SDK2: variants seen among roughly 807,000 people sequenced by gnomAD.
SDK2 encodes the protein protein sidekick-2.
In SDK2, 105 loss-of-function variants were observed where a neutral mutation model predicts 253.9. The observed-to-expected ratio is 0.41, with a 90% CI of 0.35 to 0.49. The LOEUF is 0.49. Ranked by LOEUF, SDK2 falls within the 20% of genes least tolerant of loss-of-function variation. The pLI is 0.06. For synonymous variants in SDK2, 1,249 were observed against 1,234.9 expected (o/e 1.01, Z -0.24); for missense variants, 2,608 against 3,003.0 (o/e 0.87, Z 3.07).
At chr17:73,620,694 G>C (rs1045098780) in intron 1 of SDK2, among the ~76,000 whole-genome samples, 2 of 152,178 alleles carry the variant, frequency 1.3e-5, no homozygotes, top group Admixed American at 1.3e-4. Context: ...AAGGAATGAA[G>C]TACTGCTACA....
Position 73,415,832 on chromosome 17 carries a change from T to C in SDK2, c.2347A>G (p.Thr783Ala), listed in dbSNP as rs1246399663. Residue 783 changes from threonine (T) to alanine (A), a missense_variant, in exon 17 of 45, where the codon ACC (threonine) becomes GCC (alanine). Thr to Ala is a moderately conservative substitution (Grantham distance 58). Transcript: ENST00000392650. ...AGLGVYSSKV[T>A]EWTLQGVPTV... ...CTACCTCCCTGCAGCGTCCACTCGG[T>C]GACTTTACTGCTGTAGACCCCCAGC... is the stretch of plus-strand genomic sequence containing the variant. 3.2e-6 allele frequency: 5 copies of C among 1,554,602 alleles called. No homozygotes were observed. The highest frequency in any genetic ancestry group is 1.4e-5 in the African/African-American group (1 of 73,210).
At chr17:73,446,636 C>G (rs998653117) in intron 5 of SDK2, among the ~76,000 whole-genome samples, 2 of 152,204 alleles carry the variant, frequency 1.3e-5, no homozygotes, top group Admixed American at 1.3e-4. Flanking sequence ...TCCACACCCT[C>G]ATCTTGCCGC....
At chr17:73,576,669 C>T (rs989372578) in intron 1 of SDK2, among the ~76,000 whole-genome samples, 2 of 152,180 alleles carry the variant, frequency 1.3e-5, no homozygotes, top group Admixed American at 6.5e-5. Flanking sequence ...AAAGGAACCT[C>T]GTGATCACAG....
intron 14 of SDK2, 53 bp downstream of exon 14, chr17:73,423,332 CT>C (rs2063249233): frequency 7.5e-7 from 1 of 1,336,764 alleles, no homozygotes; most frequent in African/African-American, 1.5e-5. Context: ...CCAGGGCTGA[CT>C]CCTAAGTCCA....
intron 2 of SDK2, among the ~76,000 whole-genome samples, chr17:73,498,945 G>A (rs2063864658): frequency 6.6e-6 from 1 of 152,218 alleles, no homozygotes; most frequent in South Asian, 2.1e-4. Flanking sequence ...ACCTTGGGTA[G>A]GTTGCCGAAC....
At position 73,395,641 on chromosome 17, in the gene SDK2, A is replaced by T. The variant is rs1180449576; in HGVS notation, c.3355-249T>A. ...ATCCTTTCTTTATTGTGTATGTGAC[A>T]AATCTATTACCCTGCCAAGGGAGTC... is the stretch of plus-strand genomic sequence containing the variant. On this transcript the variant is annotated intron_variant, in intron 24 of 44. Transcript: ENST00000392650. This position sits in a 1 kb window ranked among gnomAD's most constrained non-coding sequence, Gnocchi z 4.3. Among the ~76,000 whole-genome samples, 1 of 152,206 alleles carries T rather than the reference A, an allele frequency of 6.6e-6. No homozygotes were observed. Among genetic ancestry groups the T allele is most frequent in the Non-Finnish European group, 1.5e-5 (1 of 68,024 alleles).
intron 30 of SDK2, 48 bp from the exon 31 acceptor site, chr17:73,386,596 C>T (rs1319933368): frequency 1.1e-5 from 15 of 1,337,396 alleles, no homozygotes; most frequent in Non-Finnish European, 1.6e-5. Context: ...CCTTAAAGGC[C>T]TCGCCCCATG....
At chr17:73,507,921 C>T (rs2063948797) in intron 1 of SDK2, among the ~76,000 whole-genome samples, 1 of 152,246 alleles carries the variant, frequency 6.6e-6, no homozygotes, top group Non-Finnish European at 1.5e-5. Context: ...CCACTCTGCT[C>T]ATGGGTTCCC....
At chr17:73,562,558 C>A (rs1377471274) in intron 1 of SDK2, among the ~76,000 whole-genome samples, 1 of 151,944 alleles carries the variant, frequency 6.6e-6, no homozygotes, top group East Asian at 1.9e-4. Context: ...GAGAGAGAGA[C>A]AGGAGAGGCG....
chr17:73,572,534 C>G (rs755655396), intron 1 of SDK2, among the ~76,000 whole-genome samples: 1 of 152,082 alleles, frequency 6.6e-6, no homozygotes, highest in Non-Finnish European at 1.5e-5. Context: ...CTTAGCATAC[C>G]CCTACATTTT....
chr17:73,560,680 A>T (rs1278268267), intron 1 of SDK2, among the ~76,000 whole-genome samples: 1 of 151,164 alleles, frequency 6.6e-6, no homozygotes, highest in African/African-American at 2.4e-5. Flanking sequence ...CATTTCAGAG[A>T]TGTCAGGACA....
chr17:73,377,369 C>A (rs954138247), intron 36 of SDK2, among the ~76,000 whole-genome samples: 1 of 151,740 alleles, frequency 6.6e-6, no homozygotes, highest in African/African-American at 2.4e-5. Flanking sequence ...CAGGCACCCG[C>A]CACCACGCCT....
chr17:73,523,892 T>A (rs925910900), intron 1 of SDK2, among the ~76,000 whole-genome samples: 9 of 152,144 alleles, frequency 5.9e-5, no homozygotes, highest in Non-Finnish European at 1.3e-4. Context: ...ACGACAGCCC[T>A]AAACTTCTGA....
At chr17:73,353,225 C>G (rs1018339605) in intron 40 of SDK2, among the ~76,000 whole-genome samples, 5 of 152,112 alleles carry the variant, frequency 3.3e-5, no homozygotes, top group African/African-American at 1.2e-4. Flanking sequence ...GAAACAGGCT[C>G]AAGGAATTAG....
rs556709368 is a variant in SDK2 at position 73,519,209 on chromosome 17, C to CA, written c.65-11613dup. 17 of 152,398 alleles carry CA rather than the reference C, an allele frequency of 1.1e-4. No homozygotes were observed. The East Asian group carries it at 3.3e-3, about 29-fold the overall frequency. 9.4% of individuals were successfully genotyped at this position (152,398 alleles called of 1,614,324 possible). ...AGGCTGTGCCGTGAGGAAGGACCAG[C>CA]ACCCCAGAGCTCTGGCTGGCATGCT... On this transcript the variant is annotated intron_variant, in intron 1 of 44. Transcript: ENST00000392650.
Position 73,423,486 on chromosome 17 carries a change from A to G in SDK2, c.1797T>C (p.Thr599=), listed in dbSNP as rs2063251435. 6.3e-7 allele frequency: 1 copy of G among 1,590,350 alleles called. No individual in the cohort carries two copies. The highest frequency in any genetic ancestry group is 8.6e-7 in the Non-Finnish European group (1 of 1,165,920). Residue 599 remains threonine, a synonymous_variant, in exon 14 of 45, where the codon ACT becomes ACC. Coordinates refer to ENST00000392650, the MANE Select transcript of SDK2 (RefSeq NM_001144952.2). ...LPHAPEHPVA[T]LSTVERRAIN... is the part of the protein sequence containing the mutation. ...TGGCTCGCCTTTCCACGGTGCTGAGAGTGGCCACTGGGTGCTCGGGCGCGT... is the reference window on the plus strand; with the variant it reads ...TGGCTCGCCTTTCCACGGTGCTGAGGGTGGCCACTGGGTGCTCGGGCGCGT...
At position 73,483,657 on chromosome 17, in the gene SDK2, GTGTGTATATATATATATATATATATT is replaced by G. The variant is rs1567799161; in HGVS notation, c.225-11465_225-11440del. ...TATATATATATGTGTGTGTGTGTGT[GTGTGTATATATATATATATATATATT>G]TATATATATATATATATATATATAT... On this transcript the variant is annotated intron_variant, in intron 2 of 44. Coordinates refer to ENST00000392650, the MANE Select transcript of SDK2 (RefSeq NM_001144952.2). 7.8e-5 allele frequency among the ~76,000 whole-genome samples: 3 copies of G among 38,258 alleles called. 1 individual carries two copies. Among genetic ancestry groups the G allele is most frequent in the African/African-American group, 2.7e-4 (3 of 11,096 alleles). 25.1% of individuals were successfully genotyped at this position (38,258 alleles called of 152,430 possible).
At chr17:73,371,942 G>A (rs1426966006) in intron 36 of SDK2, among the ~76,000 whole-genome samples, 1 of 129,468 alleles carries the variant, frequency 7.7e-6, no homozygotes, top group African/African-American at 3.0e-5. Flanking sequence ...CCTGGGCAAC[G>A]GAGCGAGAGT....
intron 1 of SDK2, among the ~76,000 whole-genome samples, chr17:73,549,475 GCAAA>G (rs1007769497): frequency 1.1e-4 from 16 of 152,150 alleles, no homozygotes; most frequent in African/African-American, 3.6e-4. Flanking sequence ...GCTGGGAATC[GCAAA>G]CAAAGATTCA....
Sources: gnomAD v4.1 joint callset for allele counts (sites outside exome capture counted in the v4.1 genomes callset) on GRCh38, gnomAD v4.1.1 for gene constraint, Gnocchi (gnomAD v3.1) non-coding constraint, MANE v1.5 for transcripts, NCBI Gene and HGNC (gene_info 2026-07-23, HGNC 2026-07-21) for gene names.